Variants in SHISA2 observed in about 807,000 individuals in gnomAD.
SHISA2 encodes shisa family member 2.
Under a neutral mutation model 23.8 loss-of-function variants are expected in SHISA2, and 16 were observed. The ratio of observed to expected loss-of-function variants is 0.67; its 90% CI spans 0.46 to 1.02. The LOEUF is 1.02. SHISA2 is among the 50% of genes least tolerant of loss of function. The pLI is 0.00. For synonymous variants in SHISA2, 201 were observed against 178.6 expected (o/e 1.13, Z -1.00); for missense variants, 459 against 420.1 (o/e 1.09, Z -0.81).
At chr13:26,049,482 CGGGG>C (rs1957286231) in intron 1 of SHISA2, among the ~76,000 whole-genome samples, 1 of 152,150 alleles carries the variant, frequency 6.6e-6, no homozygotes, top group Non-Finnish European at 1.5e-5. Flanking sequence ...TGTAGCAGTT[CGGGG>C]TCTGGCTCCC....
chr13:26,044,964 G>C lies in SHISA2; in HGVS notation c.*1549C>G, dbSNP rs1215022180. 2 of 152,284 alleles carry C rather than the reference G, an allele frequency of 1.3e-5. No homozygotes were observed. The highest frequency in any genetic ancestry group is 2.1e-4 in the South Asian group (1 of 4,828). 9.4% of individuals were successfully genotyped at this position (152,284 alleles called of 1,614,324 possible). ...AGGCCTGAAAGAGAGAGGAAATCAA[G>C]AACAGTGTGGGAGAAGAAAGGCAAT... On this transcript the variant is annotated 3_prime_UTR_variant, in exon 2 of 2. Coordinates refer to ENST00000319420, the MANE Select transcript of SHISA2 (RefSeq NM_001007538.2).
At chr13:26,049,998 C>T (rs1957290676) in intron 1 of SHISA2, among the ~76,000 whole-genome samples, 2 of 151,324 alleles carry the variant, frequency 1.3e-5, no homozygotes, top group Non-Finnish European at 2.9e-5. Context: ...TACTTTCCAA[C>T]TCTGGCTTTG....
chr13:26,047,156 A>G, intron 1 of SHISA2, 90 bp from the exon 2 acceptor site: 1 of 1,320,756 alleles, frequency 7.6e-7, no homozygotes, highest in Non-Finnish European at 1.0e-6. Context: ...ATGAATGAGC[A>G]ACACTGATAC....
intron 1 of SHISA2, among the ~76,000 whole-genome samples, chr13:26,048,584 A>C (rs1957281019): frequency 6.6e-6 from 1 of 152,276 alleles, no homozygotes; most frequent in African/African-American, 2.4e-5. Context: ...GCAAAGCATA[A>C]TGCCAGCCCA....
At chr13:26,050,065 C>G (rs1957291249) in intron 1 of SHISA2, among the ~76,000 whole-genome samples, 1 of 152,198 alleles carries the variant, frequency 6.6e-6, no homozygotes, top group South Asian at 2.1e-4. Flanking sequence ...GGCACTGCTC[C>G]GATGTTACAC....
In SHISA2 at chr13:26,046,525, C is replaced by CGCTGGGT. The variant is rs1957268563; in HGVS notation, c.869_875dup (p.Val293ProfsTer52). On this transcript the variant is annotated frameshift_variant, in exon 2 of 2. Coordinates refer to ENST00000319420, the MANE Select transcript of SHISA2 (RefSeq NM_001007538.2). LOFTEE classifies it high-confidence loss of function. Reference sequence around the variant, plus strand: ...CAGTGACTCTCGGTTATACAGTCACCGCTGGGTACATCTTCTGTTCACTGT... The same window carrying CGCTGGGT: ...CAGTGACTCTCGGTTATACAGTCACCGCTGGGTGCTGGGTACATCTTCTGTTCACTGT... The CGCTGGGT allele has an allele frequency of 6.2e-7, 1 of 1,604,902 alleles. No individual in the cohort carries two copies. Among genetic ancestry groups the CGCTGGGT allele is most frequent in the African/African-American group, 1.3e-5 (1 of 74,808 alleles).
chr13:26,048,518 G>C (rs1279686503), intron 1 of SHISA2, among the ~76,000 whole-genome samples: 1 of 152,094 alleles, frequency 6.6e-6, no homozygotes, highest in Non-Finnish European at 1.5e-5. Context: ...CAACCTCCTG[G>C]CTATATTTTT....
At chr13:26,048,445 C>T (rs1258772226) in intron 1 of SHISA2, among the ~76,000 whole-genome samples, 1 of 151,616 alleles carries the variant, frequency 6.6e-6, no homozygotes, top group Non-Finnish European at 1.5e-5. Context: ...TGCCTCTGAG[C>T]CACTTTTGTG....
intron 1 of SHISA2, 26 bp from the exon 2 acceptor site, chr13:26,047,092 A>G (rs1236730721): frequency 2.0e-6 from 3 of 1,515,760 alleles, no homozygotes; most frequent in East Asian, 4.6e-5. Flanking sequence ...GAAACACAAC[A>G]TTATGATCTA....
Position 26,050,635 on chromosome 13 carries a change from GC to G in SHISA2, c.334+6del. On this transcript the variant is annotated splice_donor_region_variant and intron_variant, in intron 1 of 1. Coordinates refer to ENST00000319420, the MANE Select transcript of SHISA2 (RefSeq NM_001007538.2). ...CTCCCTTTCGCGCTGGGCGCAGGCC[GC>G]CCTACCTGCCGAGCCGTCGGGGCCG... 1 of 1,392,698 alleles carries G rather than the reference GC, an allele frequency of 7.2e-7. No individual in the cohort carries two copies. The highest frequency in any genetic ancestry group is 3.0e-5 in the East Asian group (1 of 33,210). The allele number at this position is 1,392,698 out of a possible 1,614,324, so 86.3% of individuals were successfully genotyped here. A position where few individuals can be genotyped will look rare whatever the true frequency, so the allele number is the denominator to read the frequency against.
intron 1 of SHISA2, among the ~76,000 whole-genome samples, chr13:26,049,154 T>C (rs1038115141): frequency 1.3e-5 from 2 of 152,158 alleles, no homozygotes; most frequent in African/African-American, 4.8e-5. Flanking sequence ...TCAGTCCACA[T>C]AATGAGTTTT....
At chr13:26,050,310 A>G (rs1957293290) in intron 1 of SHISA2, among the ~76,000 whole-genome samples, 1 of 152,160 alleles carries the variant, frequency 6.6e-6, no homozygotes, top group Non-Finnish European at 1.5e-5. Context: ...TACCCCTAAG[A>G]CATGAAGCCC....
chr13:26,050,629 C>T lies in SHISA2; in HGVS notation c.334+13G>A, dbSNP rs1330659004. ...ACCGTCCTCCCTTTCGCGCTGGGCGCAGGCCGCCCTACCTGCCGAGCCGTC... is the reference window on the plus strand; with the variant it reads ...ACCGTCCTCCCTTTCGCGCTGGGCGTAGGCCGCCCTACCTGCCGAGCCGTC... On this transcript the variant is annotated intron_variant, in intron 1 of 1. Coordinates refer to ENST00000319420, the MANE Select transcript of SHISA2 (RefSeq NM_001007538.2). 2 of 1,391,348 alleles carry T rather than the reference C, an allele frequency of 1.4e-6. No homozygotes were observed. The highest frequency in any genetic ancestry group is 1.8e-6 in the Non-Finnish European group (2 of 1,082,400). The allele number at this position is 1,391,348 out of a possible 1,614,324, so 86.2% of individuals were successfully genotyped here.
At position 26,046,746 on chromosome 13, in the gene SHISA2, T is replaced by G; in HGVS notation, c.655A>C (p.Asn219His). The G allele has an allele frequency of 6.2e-7, 1 of 1,614,224 alleles. No individual in the cohort carries two copies. The highest frequency in any genetic ancestry group is 2.2e-5 in the East Asian group (1 of 44,878). ...PEGTMNNVYV[N>H]MPTNFSVLNC... ...AGCACAGAGAAATTCGTGGGCATGT[T>G]GACATACACGTTGTTCATGGTCCCT... Residue 219 changes from asparagine (N) to histidine (H), a missense_variant, in exon 2 of 2, where the codon AAC (asparagine) becomes CAC (histidine). By Grantham distance (68) the Asn-to-His change is moderately conservative (BLOSUM62 1). Transcript: ENST00000319420.
chr13:26,047,582 A>G (rs1055734145), intron 1 of SHISA2, among the ~76,000 whole-genome samples: 5 of 152,222 alleles, frequency 3.3e-5, no homozygotes, highest in African/African-American at 4.8e-5. Flanking sequence ...TAAGCAGTTA[A>G]GTCAAAAATT....
Position 26,051,156 on chromosome 13 carries a change from C to T in SHISA2, c.-181G>A. The T allele has an allele frequency of 1.8e-6, 1 of 552,168 alleles. No individual in the cohort carries two copies. The highest frequency in any genetic ancestry group is 3.1e-6 in the Non-Finnish European group (1 of 325,374). 34.2% of individuals were successfully genotyped at this position (552,168 alleles called of 1,614,324 possible). On this transcript the variant is annotated 5_prime_UTR_variant, in exon 1 of 2. Coordinates refer to ENST00000319420, the MANE Select transcript of SHISA2 (RefSeq NM_001007538.2). ...ACGCCGGGCCCTAGGTCCAGGAGCT[C>T]CTAAGCCATCCCCGTCCTCAGCCGG... is the stretch of plus-strand genomic sequence containing the variant.
At position 26,046,270 on chromosome 13, in the gene SHISA2, A is replaced by G. The variant is rs903162447; in HGVS notation, c.*243T>C. 2.0e-6 allele frequency: 1 copy of G among 493,806 alleles called. No homozygotes were observed. Among genetic ancestry groups the G allele is most frequent in the Admixed American group, 3.7e-5 (1 of 26,986 alleles). 30.6% of individuals were successfully genotyped at this position (493,806 alleles called of 1,614,324 possible). A position where few individuals can be genotyped will look rare whatever the true frequency, so the allele number is the denominator to read the frequency against. The stretch of plus-strand genomic sequence containing the variant: ...CTTCGGACTCAAGCATTTGTTATAC[A>G]CCCATCAGCAACATCACAGTCATCT... On this transcript the variant is annotated 3_prime_UTR_variant, in exon 2 of 2. Coordinates refer to ENST00000319420, the MANE Select transcript of SHISA2 (RefSeq NM_001007538.2).
At chr13:26,050,514 C>G in intron 1 of SHISA2, 128 bp downstream of exon 1, 1 of 983,072 alleles carries the variant, frequency 1.0e-6, no homozygotes. Flanking sequence ...AAATAATAAG[C>G]CAGAAGGCAG....
In SHISA2 at chr13:26,045,600, A is replaced by T. The variant is rs1957260766; in HGVS notation, c.*913T>A. The T allele has an allele frequency of 6.6e-6, 1 of 152,200 alleles. No individual in the cohort carries two copies. Among genetic ancestry groups the T allele is most frequent in the South Asian group, 2.1e-4 (1 of 4,828 alleles). 9.4% of individuals were successfully genotyped at this position (152,200 alleles called of 1,614,324 possible). A position where few individuals can be genotyped will look rare whatever the true frequency, so the allele number is the denominator to read the frequency against. On this transcript the variant is annotated 3_prime_UTR_variant, in exon 2 of 2. Coordinates refer to ENST00000319420, the MANE Select transcript of SHISA2 (RefSeq NM_001007538.2). ...TTGTAATAAGATCTCTACATAAGGT[A>T]AAAAAGCACAAAATAGGCCCCCAAA...
Sources: gnomAD v4.1 joint callset for allele counts (sites outside exome capture counted in the v4.1 genomes callset) on GRCh38, gnomAD v4.1.1 for gene constraint, MANE v1.5 for transcripts, NCBI Gene and HGNC (gene_info 2026-07-23, HGNC 2026-07-21) for gene names.